Variants in PTN observed in about 807,000 individuals in gnomAD.
PTN encodes the protein pleiotrophin, also known as heparin affin regulatory protein.
In PTN, 18 loss-of-function variants were observed where a neutral mutation model predicts 24.1. The ratio of observed to expected loss-of-function variants is 0.75; its 90% CI spans 0.52 to 1.11. The LOEUF is 1.11. Ranked by LOEUF, PTN falls within the 50% of genes least tolerant of loss-of-function variation. PTN has a pLI of 0.00. For missense variants in PTN, 163 were observed against 198.8 expected, an observed-to-expected ratio of 0.82 and a Z score of 1.08; for synonymous variants, 78 against 68.6, an observed-to-expected ratio of 1.14 and a Z score of -0.67.
rs1166225541 is a variant in PTN at position 137,263,245 on chromosome 7, G to T, written c.-1-8271C>A. On this transcript the variant is annotated intron_variant, in intron 1 of 4. Transcript: ENST00000348225. Reference sequence around the variant, plus strand: ...ATTATAAGAGTTTTAAATTTTCTTAGTGCTGGGAACCACCTTCTAAACATG... The same window carrying T: ...ATTATAAGAGTTTTAAATTTTCTTATTGCTGGGAACCACCTTCTAAACATG... 3.3e-5 allele frequency among the ~76,000 whole-genome samples: 5 copies of T among 152,112 alleles called. No individual in the cohort carries two copies. The East Asian group carries it at 9.7e-4, about 29-fold the overall frequency.
intron 1 of PTN, among the ~76,000 whole-genome samples, chr7:137,341,447 AG>A (rs998674755): frequency 1.3e-5 from 2 of 152,128 alleles, no homozygotes; most frequent in African/African-American, 4.8e-5. Context: ...TCTCATGGAA[AG>A]GGGTCTAAAA....
At chr7:137,283,448 A>G (rs1294025078) in intron 1 of PTN, among the ~76,000 whole-genome samples, 2 of 152,202 alleles carry the variant, frequency 1.3e-5, no homozygotes, top group Admixed American at 1.3e-4. Context: ...AAAGGAAAAA[A>G]CGAGAAAAGA....
At chr7:137,303,334 G>C (rs1173744387) in intron 1 of PTN, among the ~76,000 whole-genome samples, 1 of 151,852 alleles carries the variant, frequency 6.6e-6, no homozygotes, top group African/African-American at 2.4e-5. Context: ...GACTCAGGTT[G>C]AACCATTGTA....
At chr7:137,253,027 G>GA (rs978655253) in intron 3 of PTN, among the ~76,000 whole-genome samples, 3 of 152,042 alleles carry the variant, frequency 2.0e-5, no homozygotes, top group Non-Finnish European at 2.9e-5. Flanking sequence ...AAGGGGAAAG[G>GA]AAAAATCAAA....
At chr7:137,330,442 C>A (rs1810333280) in intron 1 of PTN, among the ~76,000 whole-genome samples, 1 of 152,132 alleles carries the variant, frequency 6.6e-6, no homozygotes. Context: ...AAATAGCAAT[C>A]AAGGCAGAAA....
intron 1 of PTN, among the ~76,000 whole-genome samples, chr7:137,260,486 G>T (rs975020940): frequency 4.0e-5 from 6 of 151,870 alleles, no homozygotes; most frequent in Non-Finnish European, 5.9e-5. Flanking sequence ...TTATTCAAGG[G>T]TGCTTCCCTT....
chr7:137,330,606 CGGTAGAAA>C (rs2128882626), intron 1 of PTN, among the ~76,000 whole-genome samples: 2 of 152,186 alleles, frequency 1.3e-5, no homozygotes, highest in South Asian at 4.1e-4. Context: ...ATGCGTTAGA[CGGTAGAAA>C]GGTTTATGGA....
At chr7:137,243,160 C>G (rs184572407) in intron 4 of PTN, among the ~76,000 whole-genome samples, 7 of 152,152 alleles carry the variant, frequency 4.6e-5, no homozygotes, top group Non-Finnish European at 1.0e-4. Flanking sequence ...TGGTCTCGAT[C>G]TCTTGACCTC....
At chr7:137,261,868 G>C (rs1241857873) in intron 1 of PTN, among the ~76,000 whole-genome samples, 1 of 152,176 alleles carries the variant, frequency 6.6e-6, no homozygotes, top group Non-Finnish European at 1.5e-5. Context: ...TTCTCTGCAT[G>C]TGGGGCAGGG....
chr7:137,230,513 G>C (rs1463769899), intron 4 of PTN, among the ~76,000 whole-genome samples: 6 of 151,670 alleles, frequency 4.0e-5, no homozygotes, highest in Non-Finnish European at 7.4e-5. Flanking sequence ...AAAAAGTAGT[G>C]GAAGGAGGGA....
At chr7:137,309,102 C>T (rs1363022043) in intron 1 of PTN, among the ~76,000 whole-genome samples, 2 of 152,116 alleles carry the variant, frequency 1.3e-5, no homozygotes, top group Non-Finnish European at 2.9e-5. Flanking sequence ...GATGTACGGC[C>T]ATACCTTGGA....
Position 137,254,849 on chromosome 7 carries a change from T to A in PTN, c.115+10A>T. On this transcript the variant is annotated intron_variant, in intron 2 of 4. Coordinates refer to ENST00000348225, the MANE Select transcript of PTN (RefSeq NM_002825.7). The stretch of plus-strand genomic sequence containing the variant: ...ATGAAGCATCTTGCCTTCAGAACCC[T>A]ACTGCTTACCTGGTTTCTCTTTCTT... 1 of 1,531,414 alleles carries A rather than the reference T, an allele frequency of 6.5e-7. No homozygotes were observed. 94.9% of individuals were successfully genotyped at this position (1,531,414 alleles called of 1,614,324 possible). A position where few individuals can be genotyped will look rare whatever the true frequency, so the allele number is the denominator to read the frequency against.
intron 1 of PTN, among the ~76,000 whole-genome samples, chr7:137,340,953 C>G (rs1256881542): frequency 6.6e-6 from 1 of 152,160 alleles, no homozygotes. Context: ...CTTTAGAGAA[C>G]TGGAATTTGT....
chr7:137,281,887 G>C (rs1352155759), intron 1 of PTN, among the ~76,000 whole-genome samples: 1 of 152,192 alleles, frequency 6.6e-6, no homozygotes, highest in Non-Finnish European at 1.5e-5. Flanking sequence ...ACTTTAGAAA[G>C]TAATCAATAT....
At chr7:137,338,839 T>C (rs955366139) in intron 1 of PTN, among the ~76,000 whole-genome samples, 47 of 152,082 alleles carry the variant, frequency 3.1e-4, no homozygotes, top group African/African-American at 1.1e-3. Flanking sequence ...ATTGAAAAAA[T>C]ATTAAAAATG....
chr7:137,228,081 A>G lies in PTN; in HGVS notation c.452-6T>C. ...TTTCTTCTTCTTAGATTCTGCTGTG[A>G]TTACAAAAAAGAGAGACAGAAAGAG... On this transcript the variant is annotated splice_region_variant and splice_polypyrimidine_tract_variant and intron_variant, in intron 4 of 4. Transcript: ENST00000348225. 1 of 1,519,604 alleles carries G rather than the reference A, an allele frequency of 6.6e-7. No individual in the cohort carries two copies. The highest frequency in any genetic ancestry group is 9.1e-7 in the Non-Finnish European group (1 of 1,098,762). 94.1% of individuals were successfully genotyped at this position (1,519,604 alleles called of 1,614,324 possible).
At chr7:137,325,843 G>A (rs1021135035) in intron 1 of PTN, 1 of 152,184 alleles carries the variant, frequency 6.6e-6, no homozygotes, top group Non-Finnish European at 1.5e-5. Context: ...AATTATAGAA[G>A]CCTCTCCTCG....
chr7:137,298,600 C>G (rs1440757541), intron 1 of PTN, among the ~76,000 whole-genome samples: 1 of 151,898 alleles, frequency 6.6e-6, no homozygotes, highest in African/African-American at 2.4e-5. Context: ...TGAGAACAGA[C>G]TGTTTCCATA....
intron 1 of PTN, among the ~76,000 whole-genome samples, chr7:137,296,651 G>A (rs1809722484): frequency 6.6e-6 from 1 of 151,990 alleles, no homozygotes; most frequent in African/African-American, 2.4e-5. Flanking sequence ...GGTGGCAGGG[G>A]GTGGAGAGTA....
Sources: allele counts gnomAD v4.1 joint callset (sites outside exome capture counted in the v4.1 genomes callset), GRCh38; gene constraint gnomAD v4.1.1; transcripts MANE v1.5; gene names NCBI Gene and HGNC (gene_info 2026-07-23, HGNC 2026-07-21).